The following CALN1 variants were observed in gnomAD, a reference collection of about 807,000 sequenced individuals.
CALN1 encodes calneuron 1, also known as calcium-binding protein 8.
In CALN1, 17 loss-of-function variants were observed where a neutral mutation model predicts 30.6. The observed-to-expected ratio is 0.56, with a 90% CI of 0.38 to 0.83. The LOEUF is 0.83. CALN1 is among the 40% of genes least tolerant of loss of function. The pLI is 0.00. For missense variants in CALN1, 291 were observed against 354.9 expected (o/e 0.82, Z 1.45); for synonymous variants, 156 against 131.4 (o/e 1.19, Z -1.28).
At chr7:72,440,831 AC>A (rs1319709776) in intron 1 of CALN1, among the ~76,000 whole-genome samples, 8 of 152,034 alleles carry the variant, frequency 5.3e-5, no homozygotes, top group Non-Finnish European at 1.2e-4. Flanking sequence ...TGTCTCAAAA[AC>A]AAACAATAAT....
chr7:71,899,704 G>C (rs1172274812), intron 5 of CALN1, among the ~76,000 whole-genome samples: 1 of 152,146 alleles, frequency 6.6e-6, no homozygotes. Flanking sequence ...AATAATGTGA[G>C]AGGGCCAGGT....
At chr7:71,900,317 T>C (rs2116936395) in intron 5 of CALN1, among the ~76,000 whole-genome samples, 1 of 152,350 alleles carries the variant, frequency 6.6e-6, no homozygotes, top group South Asian at 2.1e-4. Context: ...TAGCCAGAGC[T>C]ATCTATCAAG....
intron 6 of CALN1, among the ~76,000 whole-genome samples, chr7:71,806,051 C>CG (rs2116129510): frequency 6.6e-6 from 1 of 152,048 alleles, no homozygotes; most frequent in Admixed American, 6.5e-5. Flanking sequence ...ACACATGTTG[C>CG]GGGGTGGGGG....
chr7:72,191,898 T>C (rs1249919737), intron 3 of CALN1, among the ~76,000 whole-genome samples: 1 of 152,152 alleles, frequency 6.6e-6, no homozygotes, highest in Non-Finnish European at 1.5e-5. Flanking sequence ...CCCGTTTCCT[T>C]GCCTTTTCTA....
intron 3 of CALN1, among the ~76,000 whole-genome samples, chr7:72,199,054 C>T (rs1037009476): frequency 6.6e-6 from 1 of 152,170 alleles, no homozygotes; most frequent in Non-Finnish European, 1.5e-5. Context: ...GCAGGTAGAT[C>T]ACTTGAGGTC....
chr7:72,365,149 A>C (rs1803806884), intron 2 of CALN1, among the ~76,000 whole-genome samples: 2 of 152,312 alleles, frequency 1.3e-5, no homozygotes, highest in Non-Finnish European at 1.5e-5. Context: ...TACTAAAAAT[A>C]CAAAAATTAG....
At chr7:72,120,094 G>A (rs1235374039) in intron 3 of CALN1, among the ~76,000 whole-genome samples, 1 of 151,900 alleles carries the variant, frequency 6.6e-6, no homozygotes, top group African/African-American at 2.4e-5. Flanking sequence ...TAATTTTCCA[G>A]CCCTTGACCC....
chr7:72,197,978 G>GT (rs572718332), intron 3 of CALN1, among the ~76,000 whole-genome samples: 29 of 152,044 alleles, frequency 1.9e-4, no homozygotes, highest in Non-Finnish European at 3.7e-4. Context: ...CTAGAATCAG[G>GT]TTTTGTAAAA....
chr7:72,167,876 A>G (rs1788635103), intron 3 of CALN1, among the ~76,000 whole-genome samples: 1 of 152,202 alleles, frequency 6.6e-6, no homozygotes, highest in Non-Finnish European at 1.5e-5. Flanking sequence ...ATGTCAAGAG[A>G]GCAACAGCAA....
At chr7:71,927,984 C>T (rs1449820211) in intron 5 of CALN1, among the ~76,000 whole-genome samples, 1 of 152,176 alleles carries the variant, frequency 6.6e-6, no homozygotes, top group Non-Finnish European at 1.5e-5. Context: ...TGGTCTTTAC[C>T]TGTGTCCTAG....
intron 3 of CALN1, among the ~76,000 whole-genome samples, chr7:72,192,399 G>A (rs988235185): frequency 3.9e-5 from 6 of 152,138 alleles, no homozygotes; most frequent in Admixed American, 6.6e-5. Flanking sequence ...GAATTAGGAC[G>A]TGGGAATCTG....
chr7:71,871,947 G>GAT (rs1201274415), intron 5 of CALN1, among the ~76,000 whole-genome samples: 2 of 152,086 alleles, frequency 1.3e-5, no homozygotes, highest in Admixed American at 1.3e-4. Context: ...CTGCCATGAT[G>GAT]GAAATGATCA....
chr7:72,413,571 C>A (rs111211676), upstream of CALN1, among the ~76,000 whole-genome samples: 1,481 of 150,078 alleles, frequency 9.9e-3, 16 homozygotes, highest in African/African-American at 0.034. Context: ...TCATGCACAC[C>A]ACACACACAC....
intron 3 of CALN1, among the ~76,000 whole-genome samples, chr7:72,117,211 G>A (rs1184220727): frequency 6.6e-6 from 1 of 152,176 alleles, no homozygotes; most frequent in Non-Finnish European, 1.5e-5. Flanking sequence ...CAGCTACTAA[G>A]GAGGCTGAGA....
At chr7:71,985,085 A>G (rs1798592788) in intron 5 of CALN1, among the ~76,000 whole-genome samples, 1 of 152,170 alleles carries the variant, frequency 6.6e-6, no homozygotes, top group Admixed American at 6.6e-5. Context: ...GAATCAAAAC[A>G]AAGAAGAAAA....
At chr7:71,945,122 G>C (rs1417617675) in intron 5 of CALN1, among the ~76,000 whole-genome samples, 2 of 152,132 alleles carry the variant, frequency 1.3e-5, no homozygotes, top group Non-Finnish European at 2.9e-5. Flanking sequence ...CTGTTTAAAA[G>C]AGCATGGCAT....
At chr7:72,108,222 C>T (rs1807314455) in intron 3 of CALN1, among the ~76,000 whole-genome samples, 1 of 152,224 alleles carries the variant, frequency 6.6e-6, no homozygotes, top group Admixed American at 6.5e-5. Flanking sequence ...TGTAATTCTC[C>T]CTCTGTCCTG....
chr7:72,451,423 T>G (rs1808661990), upstream of CALN1, among the ~76,000 whole-genome samples: 18 of 58,432 alleles, frequency 3.1e-4, no homozygotes, highest in South Asian at 7.5e-4. Context: ...GGAGGGGGAT[T>G]TGGGGAAGGG....
chr7:71,796,837 GAC>G, intron 6 of CALN1, among the ~76,000 whole-genome samples: 1 of 152,286 alleles, frequency 6.6e-6, no homozygotes, highest in African/African-American at 2.4e-5. Flanking sequence ...GCCGCGGGAG[GAC>G]ACAGAGGCAG....
Sources: gnomAD v4.1 joint callset for allele counts (sites outside exome capture counted in the v4.1 genomes callset) on GRCh38, gnomAD v4.1.1 for gene constraint, MANE v1.5 for transcripts, NCBI Gene and HGNC (gene_info 2026-07-23, HGNC 2026-07-21) for gene names.